The following PRDM5 variants were observed in gnomAD, a reference collection of about 807,000 sequenced individuals.
PRDM5 encodes the protein PR domain zinc finger protein 5.
PRDM5 carries 56 observed loss-of-function variants against 81.2 expected under a neutral mutation model. The observed-to-expected ratio is 0.69, with a 90% CI of 0.56 to 0.86. PRDM5 has a LOEUF of 0.86. PRDM5 is among the 40% of genes least tolerant of loss of function. The pLI is 0.00. For synonymous variants in PRDM5, 267 were observed against 256.4 expected, an observed-to-expected ratio of 1.04 and a Z score of -0.39; for missense variants, 697 against 770.1, an observed-to-expected ratio of 0.91 and a Z score of 1.12.
intron 2 of PRDM5, among the ~76,000 whole-genome samples, chr4:120,877,801 T>C (rs985826818): frequency 1.3e-5 from 2 of 152,146 alleles, no homozygotes; most frequent in Non-Finnish European, 2.9e-5. Flanking sequence ...CAAGACTCCG[T>C]CTCAAAAATA....
chr4:120,700,982 G>A (rs1277462212), intron 15 of PRDM5, among the ~76,000 whole-genome samples: 3 of 152,038 alleles, frequency 2.0e-5, no homozygotes, highest in Non-Finnish European at 4.4e-5. Flanking sequence ...AAAATTAGCT[G>A]GGTGCGGTGG....
chr4:120,877,535 TG>T (rs1253977133), intron 2 of PRDM5, among the ~76,000 whole-genome samples: 2 of 152,224 alleles, frequency 1.3e-5, no homozygotes. Context: ...CCGGGTGCGG[TG>T]GCTCACGCCT....
intron 2 of PRDM5, among the ~76,000 whole-genome samples, chr4:120,853,769 A>T (rs1759556644): frequency 6.6e-6 from 1 of 152,226 alleles, no homozygotes; most frequent in Non-Finnish European, 1.5e-5. Context: ...GAACTCTCAG[A>T]AACATCCTAC....
At chr4:120,690,213 T>A (rs1284727178), downstream of PRDM5, among the ~76,000 whole-genome samples, 1 of 152,184 alleles carries the variant, frequency 6.6e-6, no homozygotes, top group African/African-American at 2.4e-5. Context: ...TATCAGATAC[T>A]AAGGAATGAA....
intron 14 of PRDM5, among the ~76,000 whole-genome samples, chr4:120,731,991 A>C (rs1219017738): frequency 1.3e-5 from 2 of 152,162 alleles, no homozygotes; most frequent in Admixed American, 1.3e-4. Flanking sequence ...TAGGTGACAG[A>C]AGTTGTAATG....
chr4:120,758,219 AAT>A (rs1337912941), intron 13 of PRDM5, among the ~76,000 whole-genome samples: 1 of 152,100 alleles, frequency 6.6e-6, no homozygotes, highest in Non-Finnish European at 1.5e-5. Flanking sequence ...CCTCATATAT[AAT>A]ATATCTATAA....
rs146454886 is a variant in PRDM5 at position 120,898,544 on chromosome 4, A to G, written c.177+8930T>C. Among the ~76,000 whole-genome samples the G allele has an allele frequency of 8.2e-3, 1,243 of 152,296 alleles. 18 individuals carry two copies. Among genetic ancestry groups the G allele is most frequent in the African/African-American group, 0.028 (1,179 of 41,568 alleles). ...CTGACCACTTCCCCAAGAGAAAAGC[A>G]ACTGCAGATTATCAGTTCATCTCTC... is the stretch of plus-strand genomic sequence containing the variant. On this transcript the variant is annotated intron_variant, in intron 2 of 15. Transcript: ENST00000264808.
intron 8 of PRDM5, among the ~76,000 whole-genome samples, chr4:120,802,442 T>G (rs1473771699): frequency 2.0e-5 from 3 of 152,210 alleles, no homozygotes; most frequent in African/African-American, 7.2e-5. Context: ...GTAGCCTAAC[T>G]GGGAGGCATC....
At chr4:120,757,684 T>C (rs748422890) in intron 13 of PRDM5, among the ~76,000 whole-genome samples, 1 of 152,276 alleles carries the variant, frequency 6.6e-6, no homozygotes, top group Middle Eastern at 3.4e-3. Flanking sequence ...AGTGAATTAA[T>C]TAATTCCCTC....
At chr4:120,808,321 T>G (rs568754755) in intron 8 of PRDM5, among the ~76,000 whole-genome samples, 1 of 152,040 alleles carries the variant, frequency 6.6e-6, no homozygotes, top group Non-Finnish European at 1.5e-5. Context: ...CCCCACTAGA[T>G]TAGCTAGATA....
intron 2 of PRDM5, among the ~76,000 whole-genome samples, chr4:120,872,487 G>T (rs1761932055): frequency 6.6e-6 from 1 of 152,100 alleles, no homozygotes; most frequent in South Asian, 2.1e-4. Context: ...CTTATATGAG[G>T]CATCTAAAGT....
intron 13 of PRDM5, chr4:120,762,540 G>A (rs1745776452): frequency 6.6e-6 from 1 of 152,094 alleles, no homozygotes; most frequent in Non-Finnish European, 1.5e-5. Flanking sequence ...CATTCTAGGT[G>A]AAAATTAAAC....
At chr4:120,787,338 AGAAGCAAATCGT>A (rs1365767889) in intron 10 of PRDM5, among the ~76,000 whole-genome samples, 3 of 152,168 alleles carry the variant, frequency 2.0e-5, no homozygotes, top group Non-Finnish European at 4.4e-5. Flanking sequence ...AGTGAGGAGG[AGAAGCAAATCGT>A]GTACGGCCTG....
At chr4:120,757,825 TTCTC>T (rs368711288) in intron 13 of PRDM5, among the ~76,000 whole-genome samples, 1 of 151,820 alleles carries the variant, frequency 6.6e-6, no homozygotes, top group Non-Finnish European at 1.5e-5. Context: ...AATTAATTAA[TTCTC>T]TCTCTTTCTC....
intron 3 of PRDM5, among the ~76,000 whole-genome samples, chr4:120,830,900 A>G (rs1422956774): frequency 6.6e-6 from 1 of 152,058 alleles, no homozygotes; most frequent in Non-Finnish European, 1.5e-5. Context: ...ATATATGTGT[A>G]TGTATACACA....
Position 120,798,463 on chromosome 4 carries a change from T to C in PRDM5, c.1031-39A>G, listed in dbSNP as rs776707862. ...GAGTGGAGACAATCTCATATCTATATAAAGGTAAAGGATAAAAGAGAAAAC... is the reference window on the plus strand; with the variant it reads ...GAGTGGAGACAATCTCATATCTATACAAAGGTAAAGGATAAAAGAGAAAAC... On this transcript the variant is annotated intron_variant, in intron 9 of 15. Coordinates refer to ENST00000264808, the MANE Select transcript of PRDM5 (RefSeq NM_018699.4). 1.3e-5 allele frequency: 19 copies of C among 1,512,916 alleles called. No individual in the cohort carries two copies. The African/African-American group carries it at 2.3e-4, about 19-fold the overall frequency. 93.7% of individuals were successfully genotyped at this position (1,512,916 alleles called of 1,614,324 possible).
chr4:120,690,171 T>TG (rs1337253505), downstream of PRDM5, among the ~76,000 whole-genome samples: 9 of 152,196 alleles, frequency 5.9e-5, no homozygotes, highest in Admixed American at 4.6e-4. Context: ...AGTATAGAGT[T>TG]GGGGTCAATG....
At chr4:120,886,641 A>T (rs2667194) in intron 2 of PRDM5, among the ~76,000 whole-genome samples, 2,230 of 152,298 alleles carry the variant, frequency 0.015, 48 homozygotes, top group African/African-American at 0.051. Context: ...AATGGTAAAA[A>T]TAGCTATACA....
chr4:120,878,411 T>G (rs553838999), intron 2 of PRDM5, among the ~76,000 whole-genome samples: 1 of 152,308 alleles, frequency 6.6e-6, no homozygotes, highest in Middle Eastern at 3.4e-3. Context: ...AAAATTAACT[T>G]TTCAAAATGA....
Sources: gnomAD v4.1 joint callset for allele counts (sites outside exome capture counted in the v4.1 genomes callset) on GRCh38, gnomAD v4.1.1 for gene constraint, MANE v1.5 for transcripts, NCBI Gene and HGNC (gene_info 2026-07-23, HGNC 2026-07-21) for gene names.